The following TAFA2 variants were observed in gnomAD, a reference collection of about 807,000 sequenced individuals.
TAFA2 encodes the protein TAFA chemokine like family member 2, also known as chemokine-like protein TAFA-2.
In TAFA2, 7 loss-of-function variants were observed where a neutral mutation model predicts 18.8. The ratio of observed to expected loss-of-function variants is 0.37; its 90% CI spans 0.21 to 0.70. The LOEUF (loss-of-function observed/expected upper bound fraction) is 0.70. Among genes scored for constraint, TAFA2 ranks in the 30% least tolerant of loss-of-function variants. The pLI, the probability that TAFA2 is intolerant of heterozygous loss-of-function variation, is 0.53. For synonymous variants in TAFA2, 60 were observed against 54.2 expected (o/e 1.11, Z -0.47); for missense variants, 122 against 158.1 (o/e 0.77, Z 1.23).
In TAFA2 at chr12:61,889,721, C is replaced by T. The variant is rs555515371; in HGVS notation, c.-1-22295G>A. On this transcript the variant is annotated intron_variant, in intron 1 of 4. Coordinates refer to ENST00000416284, the MANE Select transcript of TAFA2 (RefSeq NM_178539.5). ...GCTTTTTAAAGTGAATTGCGCCAACCGCTATGTTGGGAATCTTGAAATGTT... is the reference window on the plus strand; with the variant it reads ...GCTTTTTAAAGTGAATTGCGCCAACTGCTATGTTGGGAATCTTGAAATGTT... Among the ~76,000 whole-genome samples the T allele has an allele frequency of 3.9e-4, 59 of 152,292 alleles. 2 individuals carry two copies. Among genetic ancestry groups the T allele is most frequent in the Admixed American group, 2.0e-4 (3 of 15,300 alleles).
intron 1 of TAFA2, among the ~76,000 whole-genome samples, chr12:62,178,273 C>T (rs1448412037): frequency 1.3e-5 from 2 of 152,052 alleles, no homozygotes; most frequent in Non-Finnish European, 2.9e-5. Flanking sequence ...GCGCTCCAGC[C>T]TGAATGACAG....
At chr12:61,873,339 T>A (rs1874702893) in intron 1 of TAFA2, among the ~76,000 whole-genome samples, 2 of 151,810 alleles carry the variant, frequency 1.3e-5, no homozygotes, top group Non-Finnish European at 2.9e-5. Flanking sequence ...TTAGGGTACA[T>A]GTGCACAATG....
chr12:62,012,382 C>T (rs556432540), intron 1 of TAFA2, among the ~76,000 whole-genome samples: 1 of 147,400 alleles, frequency 6.8e-6, no homozygotes, highest in South Asian at 2.2e-4. Flanking sequence ...ATAGGAGACA[C>T]GTATATCATC....
At chr12:61,758,741 G>A (rs1268656289) in intron 2 of TAFA2, among the ~76,000 whole-genome samples, 1 of 152,042 alleles carries the variant, frequency 6.6e-6, no homozygotes, top group African/African-American at 2.4e-5. Flanking sequence ...AATGGGAGAT[G>A]GAGTGAGACT....
intron 1 of TAFA2, among the ~76,000 whole-genome samples, chr12:61,892,810 G>T (rs1875692694): frequency 1.3e-5 from 2 of 152,190 alleles, no homozygotes; most frequent in Non-Finnish European, 2.9e-5. Context: ...CTGCACTCCA[G>T]CCTAGGTGAC....
intron 1 of TAFA2, among the ~76,000 whole-genome samples, chr12:61,934,832 G>C (rs546270364): frequency 6.6e-6 from 1 of 152,242 alleles, no homozygotes; most frequent in South Asian, 2.1e-4. Flanking sequence ...ATAGACCAAA[G>C]TCTAAATATA....
intron 1 of TAFA2, among the ~76,000 whole-genome samples, chr12:61,924,030 T>G (rs1352215053): frequency 2.7e-5 from 4 of 147,146 alleles, no homozygotes; most frequent in Non-Finnish European, 4.5e-5. Flanking sequence ...GAAGACAAGA[T>G]TAGAGAGAAA....
intron 2 of TAFA2, among the ~76,000 whole-genome samples, chr12:61,822,625 T>TG (rs1872367121): frequency 6.6e-6 from 1 of 152,154 alleles, no homozygotes; most frequent in Non-Finnish European, 1.5e-5. Flanking sequence ...CAGGAATTAT[T>TG]TTTTTCCCAT....
In TAFA2 at chr12:61,995,482, G is replaced by C. The variant is rs962675791; in HGVS notation, c.-1-128056C>G. On this transcript the variant is annotated intron_variant, in intron 1 of 4. Transcript: ENST00000416284. ...CTCAGTAATTATTTTTGTTTGTTTT[G>C]GGTTTTTATTTTTTATTTGTTTCGT... 3.3e-5 allele frequency among the ~76,000 whole-genome samples: 5 copies of C among 151,964 alleles called. No individual in the cohort carries two copies. In the South Asian group the frequency reaches 1.0e-3, roughly 32 times the overall value.
At chr12:61,919,287 C>T (rs1338010548) in intron 1 of TAFA2, among the ~76,000 whole-genome samples, 1 of 152,130 alleles carries the variant, frequency 6.6e-6, no homozygotes, top group Non-Finnish European at 1.5e-5. Flanking sequence ...CACATCCAAC[C>T]CTTTCCAGTT....
At chr12:61,809,714 A>C in intron 2 of TAFA2, among the ~76,000 whole-genome samples, 1 of 151,320 alleles carries the variant, frequency 6.6e-6, no homozygotes, top group Middle Eastern at 3.2e-3. Context: ...CTATAAGGGA[A>C]AACCAATTTT....
intron 1 of TAFA2, among the ~76,000 whole-genome samples, chr12:61,929,059 A>C: frequency 6.6e-6 from 1 of 152,112 alleles, no homozygotes; most frequent in Admixed American, 6.5e-5. Flanking sequence ...TCTAATGTAA[A>C]TAATGGGTTG....
chr12:61,763,755 A>G (rs891198880), intron 2 of TAFA2, among the ~76,000 whole-genome samples: 3 of 151,898 alleles, frequency 2.0e-5, no homozygotes, highest in Non-Finnish European at 4.4e-5. Flanking sequence ...TGGAGCTCGG[A>G]GGAAGCAATC....
chr12:61,762,933 T>C (rs1170557611), intron 2 of TAFA2, among the ~76,000 whole-genome samples: 1 of 152,014 alleles, frequency 6.6e-6, no homozygotes, highest in Non-Finnish European at 1.5e-5. Flanking sequence ...ATCACCTACA[T>C]GCACCAATAG....
In TAFA2 at chr12:61,745,201, A is replaced by G. The variant is rs561425632; in HGVS notation, c.384+8421T>C. ...AAACGACCTAAATTTAGTAGTTATT[A>G]ATGTAAAACATAAAACTTGCTCTTC... On this transcript the variant is annotated intron_variant, in intron 4 of 4. Transcript: ENST00000416284. 5.0e-3 allele frequency among the ~76,000 whole-genome samples: 755 copies of G among 152,254 alleles called. 6 individuals carry two copies. The highest frequency in any genetic ancestry group is 0.017 in the African/African-American group (714 of 41,580).
chr12:62,047,839 G>T (rs765552828), intron 1 of TAFA2, among the ~76,000 whole-genome samples: 4 of 152,070 alleles, frequency 2.6e-5, no homozygotes, highest in Non-Finnish European at 5.9e-5. Context: ...CTAAATGGAG[G>T]TTAAAAAGGA....
chr12:62,199,586 A>ATGTG (rs766849597), intron 1 of TAFA2, among the ~76,000 whole-genome samples: 1 of 149,302 alleles, frequency 6.7e-6, no homozygotes, highest in African/African-American at 2.5e-5. Context: ...GTGTGTGTGT[A>ATGTG]TGTGTGTGTA....
At chr12:61,839,693 A>C (rs949401930) in intron 2 of TAFA2, among the ~76,000 whole-genome samples, 1 of 152,086 alleles carries the variant, frequency 6.6e-6, no homozygotes, top group Non-Finnish European at 1.5e-5. Flanking sequence ...TGGGAGCTAA[A>C]CATTTGGTAC....
intron 1 of TAFA2, among the ~76,000 whole-genome samples, chr12:62,041,294 A>G (rs1207537807): frequency 6.6e-6 from 1 of 152,208 alleles, no homozygotes; most frequent in African/African-American, 2.4e-5. Context: ...TTTGAAAAAA[A>G]GAAAAATTTT....
Sources: gnomAD v4.1 joint callset for allele counts (sites outside exome capture counted in the v4.1 genomes callset) on GRCh38, gnomAD v4.1.1 for gene constraint, MANE v1.5 for transcripts, NCBI Gene and HGNC (gene_info 2026-07-23, HGNC 2026-07-21) for gene names.